Variants in SLC44A5 observed in about 807,000 individuals in gnomAD.
The protein encoded by SLC44A5 is solute carrier family 44 member 5, also known as choline transporter-like protein 5.
Under a neutral mutation model 101.8 loss-of-function variants are expected in SLC44A5, and 57 were observed. That is an observed-to-expected ratio of 0.56 (90% CI 0.45 to 0.70). The LOEUF (loss-of-function observed/expected upper bound fraction) is 0.70, where lower values mean the gene tolerates loss of function less well. Ranked by LOEUF, SLC44A5 falls within the 30% of genes least tolerant of loss-of-function variation. SLC44A5 has a pLI of 0.00. For synonymous variants in SLC44A5, 281 were observed against 290.9 expected, an observed-to-expected ratio of 0.97 and a Z score of 0.35; for missense variants, 737 against 853.1, an observed-to-expected ratio of 0.86 and a Z score of 1.70.
At chr1:75,424,264 C>T (rs1026172047) in intron 2 of SLC44A5, among the ~76,000 whole-genome samples, 2 of 152,150 alleles carry the variant, frequency 1.3e-5, no homozygotes, top group African/African-American at 4.8e-5. Context: ...GCTTCCTCTC[C>T]AAGTTTTTAA....
chr1:75,616,436 C>CGA, the SLC44A5 span, among the ~76,000 whole-genome samples: 1 of 152,212 alleles, frequency 6.6e-6, no homozygotes, highest in Admixed American at 6.5e-5. Flanking sequence ...GAGTCTGCCT[C>CGA]CGGCCTGCCT....
chr1:75,601,688 G>A (rs969424566), intron 1 of SLC44A5, among the ~76,000 whole-genome samples: 6 of 152,070 alleles, frequency 3.9e-5, no homozygotes, highest in African/African-American at 1.4e-4. Context: ...AGGTCTGACT[G>A]ATTCCAGGAA....
intron 2 of SLC44A5, among the ~76,000 whole-genome samples, chr1:75,406,256 G>C (rs1181002223): frequency 2.0e-5 from 3 of 152,156 alleles, no homozygotes; most frequent in African/African-American, 7.2e-5. Flanking sequence ...AGACCAGATA[G>C]ATTCACAGCC....
chr1:75,453,763 C>T (rs1666032741), intron 2 of SLC44A5, among the ~76,000 whole-genome samples: 1 of 152,028 alleles, frequency 6.6e-6, no homozygotes, highest in Admixed American at 6.6e-5. Flanking sequence ...AGAGACTATT[C>T]TGAATACCTT....
intron 1 of SLC44A5, among the ~76,000 whole-genome samples, chr1:75,559,803 G>C (rs751342628): frequency 6.6e-6 from 1 of 152,056 alleles, no homozygotes; most frequent in Non-Finnish European, 1.5e-5. Flanking sequence ...AAAGAGACTT[G>C]TATCCAGAAT....
intron 3 of SLC44A5, among the ~76,000 whole-genome samples, chr1:75,370,915 T>G (rs1242839829): frequency 1.3e-5 from 2 of 152,246 alleles, no homozygotes; most frequent in Non-Finnish European, 2.9e-5. Flanking sequence ...ATGATCAGTT[T>G]TACTGGTTGC....
intron 4 of SLC44A5, among the ~76,000 whole-genome samples, 156 bp from the exon 5 acceptor site, chr1:75,300,841 T>C (rs1175228842): frequency 6.6e-6 from 1 of 152,202 alleles, no homozygotes; most frequent in African/African-American, 2.4e-5. Context: ...AGATCAGATG[T>C]ATTTCTGCAA....
At chr1:75,664,737 T>C in the SLC44A5 span, among the ~76,000 whole-genome samples, 2 of 151,570 alleles carry the variant, frequency 1.3e-5, no homozygotes. Context: ...CTGGCTAACG[T>C]GGTGAAACCC....
intron 1 of SLC44A5, among the ~76,000 whole-genome samples, chr1:75,608,573 A>G (rs773253564): frequency 6.6e-6 from 1 of 152,018 alleles, no homozygotes; most frequent in African/African-American, 2.4e-5. Flanking sequence ...CCCCAGAGTA[A>G]AAACCAAAGT....
At chr1:75,615,753 C>A (rs1206682945), upstream of SLC44A5, 4 of 695,662 alleles carry the variant, frequency 5.7e-6, no homozygotes, top group Non-Finnish European at 7.1e-6. Flanking sequence ...CCGGCAGGAG[C>A]CTTCCACTTG....
the SLC44A5 span, among the ~76,000 whole-genome samples, chr1:75,669,127 T>G: frequency 1.3e-5 from 2 of 151,826 alleles, no homozygotes; most frequent in East Asian, 1.9e-4. Flanking sequence ...CTATTTTTCT[T>G]GAGTTCTTTT....
chr1:75,259,589 A>G (rs1191724457), intron 6 of SLC44A5, among the ~76,000 whole-genome samples: 1 of 152,172 alleles, frequency 6.6e-6, no homozygotes, highest in East Asian at 1.9e-4. Flanking sequence ...GAATGGAACC[A>G]AGTTGGAAAA....
the SLC44A5 span, among the ~76,000 whole-genome samples, chr1:75,673,665 C>T: frequency 3.6e-3 from 547 of 152,224 alleles, 2 homozygotes; most frequent in African/African-American, 0.012. Context: ...CCAGTGCTGG[C>T]GACCACAAGA....
intron 2 of SLC44A5, among the ~76,000 whole-genome samples, chr1:75,493,271 C>A (rs1038808429): frequency 6.6e-6 from 1 of 152,088 alleles, no homozygotes; most frequent in East Asian, 1.9e-4. Context: ...GAATTTCAAG[C>A]CTTTGGTTGC....
At position 75,541,413 on chromosome 1, in the gene SLC44A5, C is replaced by T. The variant is rs114412189; in HGVS notation, c.13+22G>A. On this transcript the variant is annotated intron_variant, in intron 2 of 23. Transcript: ENST00000370859. Reference sequence around the variant, plus strand: ...GCACAAAAGTCCAGATCAAGAGGAACTTAATTCAAGTAGGTGATTACCTGT... The same window carrying T: ...GCACAAAAGTCCAGATCAAGAGGAATTTAATTCAAGTAGGTGATTACCTGT... The T allele has an allele frequency of 3.2e-3, 5,101 of 1,572,012 alleles. 41 individuals carry two copies. In the Middle Eastern group the frequency reaches 0.046, roughly 14 times the overall value.
the SLC44A5 span, among the ~76,000 whole-genome samples, chr1:75,651,377 T>C: frequency 6.6e-6 from 1 of 152,162 alleles, no homozygotes; most frequent in East Asian, 1.9e-4. Flanking sequence ...TCTACAGACA[T>C]TGTTCTAGGT....
the SLC44A5 span, among the ~76,000 whole-genome samples, chr1:75,720,051 T>C: frequency 4.6e-5 from 7 of 152,224 alleles, no homozygotes; most frequent in East Asian, 1.3e-3. Context: ...TGTAAAAGCA[T>C]GTACTTACTG....
intron 4 of SLC44A5, among the ~76,000 whole-genome samples, chr1:75,301,859 T>A (rs1345536332): frequency 6.6e-6 from 1 of 152,186 alleles, no homozygotes. Flanking sequence ...ACTTATGAGT[T>A]ATGTTAATAT....
chr1:75,322,397 TA>T (rs373862454), intron 4 of SLC44A5, among the ~76,000 whole-genome samples: 182 of 149,772 alleles, frequency 1.2e-3, no homozygotes, highest in Non-Finnish European at 1.8e-3. Context: ...TCCCTCTTTT[TA>T]AAAAAAAAAA....
Sources: gnomAD v4.1 joint callset for allele counts (sites outside exome capture counted in the v4.1 genomes callset) on GRCh38, gnomAD v4.1.1 for gene constraint, MANE v1.5 for transcripts, NCBI Gene and HGNC (gene_info 2026-07-23, HGNC 2026-07-21) for gene names.